ZNF385C: variants seen among roughly 807,000 people sequenced by gnomAD.
ZNF385C encodes the protein CTD-2132N18.2.
In ZNF385C, 28 loss-of-function variants were observed where a neutral mutation model predicts 35.4. The ratio of observed to expected loss-of-function variants is 0.79; its 90% CI spans 0.59 to 1.08. The LOEUF (loss-of-function observed/expected upper bound fraction) is 1.08, where lower values mean the gene tolerates loss of function less well. ZNF385C is among the 50% of genes least tolerant of loss of function. ZNF385C has a pLI of 0.00. For synonymous variants in ZNF385C, 248 were observed against 248.2 expected (o/e 1.00, Z 0.01); for missense variants, 605 against 595.6 (o/e 1.02, Z -0.16).
chr17:42,073,340 G>A (rs1379513753), intron 1 of ZNF385C, among the ~76,000 whole-genome samples: 2 of 152,032 alleles, frequency 1.3e-5, no homozygotes, highest in Non-Finnish European at 2.9e-5. Flanking sequence ...AGGCTAAGAT[G>A]GGAGAATCGC....
rs2052628806 is a variant in ZNF385C, at chr17:42,027,851, C to T, written c.1165-123G>A. On this transcript the variant is annotated intron_variant, in intron 7 of 8. Transcript: ENST00000692273. ...TACATCCAAAGCACACAGACTGGGT[C>T]CTCACCCTGGGGTAGGCCCTGGGAA... The T allele has an allele frequency of 5.6e-6, 7 of 1,258,130 alleles. No individual in the cohort carries two copies. In the South Asian group the frequency reaches 8.9e-5, roughly 16 times the overall value. 77.9% of individuals were successfully genotyped at this position (1,258,130 alleles called of 1,614,324 possible). A position where few individuals can be genotyped will look rare whatever the true frequency, so the allele number is the denominator to read the frequency against.
At chr17:42,075,039 G>T (rs971550015) in intron 1 of ZNF385C, among the ~76,000 whole-genome samples, 3 of 152,272 alleles carry the variant, frequency 2.0e-5, no homozygotes, top group Admixed American at 2.0e-4. Context: ...CTTGCATAAT[G>T]GTCGTAGATC....
Position 42,026,140 on chromosome 17 carries a change from C to G in ZNF385C, c.*757G>C, listed in dbSNP as rs2052573175. 1.3e-5 allele frequency: 2 copies of G among 152,166 alleles called. No individual in the cohort carries two copies. Among genetic ancestry groups the G allele is most frequent in the South Asian group, 4.2e-4 (2 of 4,818 alleles). The allele number at this position is 152,166 out of a possible 1,614,324, so 9.4% of individuals were successfully genotyped here. A position where few individuals can be genotyped will look rare whatever the true frequency, so the allele number is the denominator to read the frequency against. On this transcript the variant is annotated 3_prime_UTR_variant, in exon 9 of 9. Coordinates refer to ENST00000692273, the MANE Select transcript of ZNF385C (RefSeq NM_001392013.1). The stretch of plus-strand genomic sequence containing the variant: ...GAACCAGGGAGGCAGAGGCTGCATG[C>G]AGTGAGCCAAGATTGCACCACTGCA...
intron 1 of ZNF385C, among the ~76,000 whole-genome samples, chr17:42,088,812 G>A (rs1381153053): frequency 6.6e-6 from 1 of 152,098 alleles, no homozygotes; most frequent in Non-Finnish European, 1.5e-5. Context: ...CCTGGGGAGT[G>A]GGACAGAGAT....
chr17:42,059,973 T>G (rs1555657866), intron 2 of ZNF385C, among the ~76,000 whole-genome samples: 1 of 152,122 alleles, frequency 6.6e-6, no homozygotes, highest in African/African-American at 2.4e-5. Flanking sequence ...TTCATCTTGG[T>G]GTGGTGGGAT....
chr17:42,087,915 T>A (rs1245491967), intron 1 of ZNF385C, among the ~76,000 whole-genome samples: 2 of 152,208 alleles, frequency 1.3e-5, no homozygotes, highest in African/African-American at 4.8e-5. Context: ...ACTACCTATA[T>A]ATAAACTATA....
chr17:42,051,415 G>A (rs528443814), intron 2 of ZNF385C, among the ~76,000 whole-genome samples: 3 of 152,138 alleles, frequency 2.0e-5, no homozygotes, highest in Non-Finnish European at 4.4e-5. Context: ...CAAGAGGAAT[G>A]TGCAGACGTG....
At chr17:42,042,230 A>C (rs560651874) in intron 2 of ZNF385C, among the ~76,000 whole-genome samples, 4 of 152,236 alleles carry the variant, frequency 2.6e-5, no homozygotes, top group African/African-American at 9.6e-5. Context: ...ACCAAAAAAC[A>C]AAAAACAGAG....
intron 1 of ZNF385C, among the ~76,000 whole-genome samples, chr17:42,075,425 A>C (rs2053673396): frequency 6.6e-6 from 1 of 151,728 alleles, no homozygotes; most frequent in Non-Finnish European, 1.5e-5. Context: ...TAAACCACTT[A>C]ATTAAAAATG....
chr17:42,064,118 A>T (rs868942245), intron 1 of ZNF385C, among the ~76,000 whole-genome samples: 117 of 135,442 alleles, frequency 8.6e-4, no homozygotes, highest in African/African-American at 3.0e-3. Context: ...ACACACACAC[A>T]CTTTCTGTCT....
At chr17:42,086,109 C>T (rs1299365983) in intron 1 of ZNF385C, among the ~76,000 whole-genome samples, 9 of 151,912 alleles carry the variant, frequency 5.9e-5, no homozygotes, top group East Asian at 1.9e-4. Flanking sequence ...TTTAAAAAAC[C>T]GGCTGGGTGC....
chr17:42,043,814 C>T (rs1015337362), intron 2 of ZNF385C, among the ~76,000 whole-genome samples: 1 of 152,218 alleles, frequency 6.6e-6, no homozygotes, highest in South Asian at 2.1e-4. Flanking sequence ...GGCACTAATT[C>T]GCTTTGACTG....
intron 2 of ZNF385C, among the ~76,000 whole-genome samples, chr17:42,043,925 T>TGAG (rs1267896562): frequency 6.6e-6 from 1 of 152,020 alleles, no homozygotes; most frequent in African/African-American, 2.4e-5. Flanking sequence ...TCAGGGCCCA[T>TGAG]GAGGAGTTCA....
At chr17:42,058,931 A>T (rs1567991667) in intron 2 of ZNF385C, among the ~76,000 whole-genome samples, 1 of 152,212 alleles carries the variant, frequency 6.6e-6, no homozygotes, top group Non-Finnish European at 1.5e-5. Flanking sequence ...TGTTGGGATG[A>T]CAGGCATGAG....
At position 42,057,751 on chromosome 17, in the gene ZNF385C, C is replaced by G. The variant is rs147189380; in HGVS notation, c.250+5056G>C. ...CTGAGGTCAGGAGTTTGAGACCAGC[C>G]TGGCCAATATGGTGAAACTCCGTCT... On this transcript the variant is annotated intron_variant, in intron 2 of 8. Transcript: ENST00000692273. Among the ~76,000 whole-genome samples, 1,000 of 152,150 alleles carry G rather than the reference C, an allele frequency of 6.6e-3. 12 individuals are homozygous for G. The highest frequency in any genetic ancestry group is 0.022 in the African/African-American group (901 of 41,508).
At position 42,026,243 on chromosome 17, in the gene ZNF385C, T is replaced by C. The variant is rs1189827806; in HGVS notation, c.*654A>G. 6.5e-6 allele frequency: 1 copy of C among 152,760 alleles called. No individual in the cohort carries two copies. The highest frequency in any genetic ancestry group is 1.5e-5 in the Non-Finnish European group (1 of 68,556). 9.5% of individuals were successfully genotyped at this position (152,760 alleles called of 1,614,324 possible). ...CATGAATGCCCAGAAGACTTAAGATTAAAACAAAACCCTGGGCCCAACCAG... is the reference window on the plus strand; with the variant it reads ...CATGAATGCCCAGAAGACTTAAGATCAAAACAAAACCCTGGGCCCAACCAG... On this transcript the variant is annotated 3_prime_UTR_variant, in exon 9 of 9. Coordinates refer to ENST00000692273, the MANE Select transcript of ZNF385C (RefSeq NM_001392013.1).
chr17:42,056,750 T>C (rs1176350885), intron 2 of ZNF385C, among the ~76,000 whole-genome samples: 7 of 152,194 alleles, frequency 4.6e-5, no homozygotes, highest in African/African-American at 1.7e-4. Context: ...CGAGATCTGA[T>C]GGGTTTATGA....
intron 1 of ZNF385C, among the ~76,000 whole-genome samples, chr17:42,078,461 G>A (rs2053708923): frequency 2.1e-5 from 3 of 146,266 alleles, no homozygotes; most frequent in East Asian, 2.0e-4. Flanking sequence ...ATGCATGGGG[G>A]ACTGGGGGAG....
chr17:42,046,423 T>G (rs1252877018), intron 2 of ZNF385C, among the ~76,000 whole-genome samples: 4 of 151,992 alleles, frequency 2.6e-5, no homozygotes, highest in Non-Finnish European at 4.4e-5. Context: ...GGAGACCTTG[T>G]CTTTACAAAT....
Sources: gnomAD v4.1 joint callset for allele counts (sites outside exome capture counted in the v4.1 genomes callset) on GRCh38, gnomAD v4.1.1 for gene constraint, MANE v1.5 for transcripts, NCBI Gene and HGNC (gene_info 2026-07-23, HGNC 2026-07-21) for gene names.